NCKAP5: variants seen among roughly 807,000 people sequenced by gnomAD.
The protein encoded by NCKAP5 is NCK associated protein 5.
NCKAP5 carries 92 observed loss-of-function variants against 167.0 expected under a neutral mutation model. The ratio of observed to expected loss-of-function variants is 0.55; its 90% CI spans 0.47 to 0.66. The LOEUF (loss-of-function observed/expected upper bound fraction) is 0.66, where lower values mean the gene tolerates loss of function less well. NCKAP5 is among the 30% of genes least tolerant of loss of function. The probability of loss-of-function intolerance (pLI) is 0.00; values close to 1 mark genes in which losing one functional copy is unlikely to be tolerated. For missense variants in NCKAP5, 2,378 were observed against 2,315.0 expected (o/e 1.03, Z -0.56); for synonymous variants, 891 against 877.4 (o/e 1.02, Z -0.27).
At chr2:133,305,767 T>G (rs1680734624) in intron 3 of NCKAP5, among the ~76,000 whole-genome samples, 1 of 152,226 alleles carries the variant, frequency 6.6e-6, no homozygotes, top group Non-Finnish European at 1.5e-5. Context: ...TGACAAATCT[T>G]AAACCACTTA....
At chr2:132,949,638 C>T (rs1453976024) in intron 8 of NCKAP5, among the ~76,000 whole-genome samples, 1 of 152,186 alleles carries the variant, frequency 6.6e-6, no homozygotes, top group African/African-American at 2.4e-5. Context: ...ACTATCTTTT[C>T]AGTAGCCCTC....
At chr2:132,752,162 G>C (rs1459167598) in intron 16 of NCKAP5, among the ~76,000 whole-genome samples, 1 of 152,168 alleles carries the variant, frequency 6.6e-6, no homozygotes, top group African/African-American at 2.4e-5. Flanking sequence ...TCTCTAATAG[G>C]TACCCATAAC....
At position 133,014,249 on chromosome 2, in the gene NCKAP5, A is replaced by G. The variant is rs561408839; in HGVS notation, c.342-20010T>C. On this transcript the variant is annotated intron_variant, in intron 6 of 19. Transcript: ENST00000409261. ...GTCTCCCTGTTCTTCCTCATGTACT[A>G]TATGTGCAGATAGCCATGGATACTT... is the stretch of plus-strand genomic sequence containing the variant. Among the ~76,000 whole-genome samples, 5 of 152,286 alleles carry G rather than the reference A, an allele frequency of 3.3e-5. No individual in the cohort carries two copies. In the East Asian group the frequency reaches 7.7e-4, roughly 24 times the overall value.
intron 4 of NCKAP5, among the ~76,000 whole-genome samples, chr2:133,219,546 CAACTCT>C (rs2086570369): frequency 6.6e-6 from 1 of 152,124 alleles, no homozygotes; most frequent in African/African-American, 2.4e-5. Context: ...AAGAGCACTC[CAACTCT>C]AAGTTATTTT....
intron 6 of NCKAP5, among the ~76,000 whole-genome samples, chr2:133,063,196 T>A (rs1444140335): frequency 6.6e-6 from 1 of 152,208 alleles, no homozygotes; most frequent in Non-Finnish European, 1.5e-5. Flanking sequence ...TGTTACTAAG[T>A]TGCCCCCTAC....
At chr2:132,736,172 G>C (rs768302909) in intron 16 of NCKAP5, among the ~76,000 whole-genome samples, 6 of 152,070 alleles carry the variant, frequency 3.9e-5, no homozygotes, top group Non-Finnish European at 7.3e-5. Context: ...GACAGTCAGG[G>C]GCTCAGACAC....
intron 6 of NCKAP5, among the ~76,000 whole-genome samples, chr2:133,077,227 T>C (rs1381818215): frequency 6.6e-6 from 1 of 152,220 alleles, no homozygotes; most frequent in African/African-American, 2.4e-5. Context: ...GTTGTTTGAA[T>C]ACATACTAAC....
chr2:133,033,936 TAGG>T lies in NCKAP5; in HGVS notation c.342-39700_342-39698del, dbSNP rs569757696. Among the ~76,000 whole-genome samples the T allele has an allele frequency of 1.7e-3, 252 of 152,040 alleles. 1 individual carries two copies. The highest frequency in any genetic ancestry group is 5.1e-3 in the African/African-American group (212 of 41,468). Reference sequence around the variant, plus strand: ...CTTAAAGAAGAGGTAGAAAAAGAGATAGGAGTAGAAAGTTTATTCAAAGGGATA... The same window carrying T: ...CTTAAAGAAGAGGTAGAAAAAGAGATAGTAGAAAGTTTATTCAAAGGGATA... On this transcript the variant is annotated intron_variant, in intron 6 of 19. Transcript: ENST00000409261.
At chr2:132,990,792 C>T (rs1001583299) in intron 7 of NCKAP5, among the ~76,000 whole-genome samples, 1 of 152,126 alleles carries the variant, frequency 6.6e-6, no homozygotes, top group African/African-American at 2.4e-5. Flanking sequence ...GCAGCCTGAC[C>T]AATACTGTTA....
chr2:133,579,822 C>T, the NCKAP5 span, among the ~76,000 whole-genome samples: 1 of 152,084 alleles, frequency 6.6e-6, no homozygotes, highest in African/African-American at 2.4e-5. Context: ...ATACCCAGGC[C>T]CAATTTCAAC....
chr2:133,607,354 G>A, the NCKAP5 span, among the ~76,000 whole-genome samples: 1 of 152,172 alleles, frequency 6.6e-6, no homozygotes, highest in African/African-American at 2.4e-5. Flanking sequence ...CAGGTAGAGT[G>A]TCTCCACTTG....
chr2:133,466,040 T>C (rs2151256255), intron 3 of NCKAP5, among the ~76,000 whole-genome samples: 1 of 151,610 alleles, frequency 6.6e-6, no homozygotes, highest in South Asian at 2.1e-4. Flanking sequence ...AATTTTGTCT[T>C]TTGTTGCCAT....
At chr2:133,619,583 T>C in the NCKAP5 span, among the ~76,000 whole-genome samples, 1 of 151,960 alleles carries the variant, frequency 6.6e-6, no homozygotes, top group African/African-American at 2.4e-5. Flanking sequence ...TCCAAGAAGC[T>C]TGGGACTTTG....
At chr2:133,138,176 AG>A (rs541893174) in intron 5 of NCKAP5, among the ~76,000 whole-genome samples, 4 of 152,216 alleles carry the variant, frequency 2.6e-5, no homozygotes, top group African/African-American at 7.2e-5. Context: ...GAGAAAAAGA[AG>A]GGGGGGTACT....
chr2:133,332,724 A>T (rs1468433956), intron 3 of NCKAP5, among the ~76,000 whole-genome samples: 1 of 152,102 alleles, frequency 6.6e-6, no homozygotes, highest in Non-Finnish European at 1.5e-5. Context: ...CCAGAAAAAA[A>T]AATAATAATA....
At chr2:133,108,250 G>C (rs921756054) in intron 6 of NCKAP5, among the ~76,000 whole-genome samples, 5 of 152,150 alleles carry the variant, frequency 3.3e-5, no homozygotes, top group South Asian at 2.1e-4. Flanking sequence ...CAAGACAACA[G>C]GCATTCCAGA....
intron 16 of NCKAP5, among the ~76,000 whole-genome samples, chr2:132,765,258 A>G (rs1401596947): frequency 1.3e-5 from 2 of 151,276 alleles, no homozygotes; most frequent in African/African-American, 2.4e-5. Flanking sequence ...AATCAATTAC[A>G]TCTTTTCTAA....
chr2:133,564,101 T>A (rs1234129962), intron 1 of NCKAP5, among the ~76,000 whole-genome samples: 1 of 151,710 alleles, frequency 6.6e-6, no homozygotes, highest in African/African-American at 2.4e-5. Context: ...GCCATTGCAC[T>A]CCAGCCTAGG....
chr2:133,335,942 G>T (rs1363973815), intron 3 of NCKAP5, among the ~76,000 whole-genome samples: 1 of 152,080 alleles, frequency 6.6e-6, no homozygotes, highest in Non-Finnish European at 1.5e-5. Flanking sequence ...AGTATTTGTT[G>T]TTTCTCAAGG....
Sources: gnomAD v4.1 joint callset for allele counts (sites outside exome capture counted in the v4.1 genomes callset) on GRCh38, gnomAD v4.1.1 for gene constraint, MANE v1.5 for transcripts, NCBI Gene and HGNC (gene_info 2026-07-23, HGNC 2026-07-21) for gene names.